The following PUDP variants were observed in gnomAD, a reference collection of about 807,000 sequenced individuals.
PUDP encodes pseudouridine 5'-phosphatase.
Under a neutral mutation model 9.4 loss-of-function variants are expected in PUDP, and 8 were observed. The observed-to-expected ratio is 0.85, with a 90% confidence interval of 0.50 to 1.53. PUDP has a LOEUF of 1.53. PUDP is among the 40% of genes most tolerant of loss of function. The probability of loss-of-function intolerance (pLI) is 0.00; values close to 1 mark genes in which losing one functional copy is unlikely to be tolerated. For synonymous variants in PUDP, 99 were observed against 80.7 expected, an observed-to-expected ratio of 1.23 and a Z score of -1.22; for missense variants, 188 against 189.7, an observed-to-expected ratio of 0.99 and a Z score of 0.05.
chrX:6,720,319 G>T (rs1924658094), intron 1 of PUDP, among the ~76,000 whole-genome samples: 1 of 87,033 alleles, frequency 1.1e-5, no homozygotes, highest in African/African-American at 4.4e-5. Context: ...AATAGTATTT[G>T]GCCATTAATC....
At chrX:7,118,537 T>C (rs1428962390) in intron 1 of PUDP, among the ~76,000 whole-genome samples, 1 of 112,094 alleles carries the variant, frequency 8.9e-6, no homozygotes, top group African/African-American at 3.2e-5. Flanking sequence ...TCACTGCTCC[T>C]TGCTGCTATA....
intron 1 of PUDP, among the ~76,000 whole-genome samples, chrX:7,039,263 T>C (rs190858840): frequency 8.9e-6 from 1 of 111,830 alleles, no homozygotes; most frequent in Non-Finnish European, 1.9e-5. Context: ...TCACAACAGA[T>C]ATTTTTAAAA....
chrX:6,752,749 T>A (rs749453914), intron 3 of PUDP, among the ~76,000 whole-genome samples: 1 of 110,652 alleles, frequency 9.0e-6, no homozygotes, highest in Non-Finnish European at 1.9e-5. Context: ...TTTACTGAGA[T>A]AAGAAACTGA....
chrX:6,873,036 A>G (rs1927199355), intron 3 of PUDP, among the ~76,000 whole-genome samples: 1 of 106,913 alleles, frequency 9.4e-6, no homozygotes, highest in Non-Finnish European at 1.9e-5. Context: ...CTAAGTTCAT[A>G]AGAAACAGAA....
chrX:7,004,630 C>T (rs942402619), intron 1 of PUDP, among the ~76,000 whole-genome samples: 1 of 111,895 alleles, frequency 8.9e-6, no homozygotes, highest in South Asian at 3.7e-4. Flanking sequence ...GTACTGACAG[C>T]GATAATTCTC....
intron 3 of PUDP, among the ~76,000 whole-genome samples, chrX:6,800,868 G>A (rs1925921429): frequency 1.8e-5 from 2 of 111,699 alleles, no homozygotes; most frequent in Admixed American, 1.9e-4. Context: ...TGCCCGCTGA[G>A]TCCACCAGCT....
At chrX:6,750,091 G>C (rs1249786766) in intron 3 of PUDP, among the ~76,000 whole-genome samples, 1 of 112,174 alleles carries the variant, frequency 8.9e-6, no homozygotes, top group Non-Finnish European at 1.9e-5. Flanking sequence ...TTGCTGTGCA[G>C]CTTCTTGCAT....
intron 3 of PUDP, among the ~76,000 whole-genome samples, chrX:7,074,587 G>T (rs923581599): frequency 8.9e-6 from 1 of 112,190 alleles, no homozygotes; most frequent in East Asian, 2.8e-4. Context: ...TACTCTGATC[G>T]CTTCTGGGAC....
At chrX:6,975,473 G>T (rs185108177) in intron 3 of PUDP, among the ~76,000 whole-genome samples, 1 of 111,013 alleles carries the variant, frequency 9.0e-6, no homozygotes. Flanking sequence ...AGGCCCCTCT[G>T]CTGCAGGTCT....
At chrX:6,871,566 C>A (rs1466647009) in intron 3 of PUDP, among the ~76,000 whole-genome samples, 1 of 111,618 alleles carries the variant, frequency 9.0e-6, no homozygotes, top group Non-Finnish European at 1.9e-5. Context: ...TCCTGTTGAC[C>A]TGTTGTTCTT....
At chrX:7,109,397 A>C (rs1410612809) in intron 1 of PUDP, among the ~76,000 whole-genome samples, 1 of 112,235 alleles carries the variant, frequency 8.9e-6, no homozygotes, top group African/African-American at 3.2e-5. Flanking sequence ...GAGTGAAGGA[A>C]CAGAACAGAG....
intron 3 of PUDP, among the ~76,000 whole-genome samples, chrX:6,913,736 A>G (rs746878924): frequency 4.7e-4 from 53 of 111,870 alleles, no homozygotes; most frequent in Non-Finnish European, 8.6e-4. Flanking sequence ...CTAACTTCAA[A>G]GAAAAAATAC....
chrX:7,081,822 A>G (rs1931099879), intron 2 of PUDP, among the ~76,000 whole-genome samples: 1 of 113,145 alleles, frequency 8.8e-6, no homozygotes, highest in Non-Finnish European at 1.9e-5. Flanking sequence ...CTGGAAAATG[A>G]CATGGGTGAG....
chrX:6,824,166 G>A (rs1412643538), intron 3 of PUDP, among the ~76,000 whole-genome samples: 1 of 111,741 alleles, frequency 8.9e-6, no homozygotes, highest in Non-Finnish European at 1.9e-5. Flanking sequence ...CTGTTCTTGT[G>A]ATAGTGAGTG....
At chrX:7,100,829 C>T (rs1363795067) in intron 2 of PUDP, among the ~76,000 whole-genome samples, 2 of 112,177 alleles carry the variant, frequency 1.8e-5, no homozygotes, top group African/African-American at 6.5e-5. Context: ...AGGAAGAACA[C>T]ATTTCTGGAT....
chrX:7,147,893 G>A (rs1195516008), intron 1 of PUDP, 160 bp downstream of exon 1: 23 of 293,545 alleles, frequency 7.8e-5, no homozygotes, highest in Admixed American at 4.2e-4. Context: ...GCCGCCGCCC[G>A]ACTTCGGGGC....
chrX:6,740,537 T>C (rs1203265945), intron 3 of PUDP, among the ~76,000 whole-genome samples: 1 of 111,877 alleles, frequency 8.9e-6, no homozygotes, highest in Admixed American at 9.5e-5. Flanking sequence ...AAGAGTAAGG[T>C]TTTTGCAAAT....
At chrX:7,057,749 G>A in intron 3 of PUDP, 1 of 1,154,620 alleles carries the variant, frequency 8.7e-7, no homozygotes, top group Non-Finnish European at 1.1e-6. Flanking sequence ...TACACAGAAG[G>A]AGGAGCGCTG....
At chrX:7,116,677 G>C (rs758485279) in intron 1 of PUDP, among the ~76,000 whole-genome samples, 22 of 112,136 alleles carry the variant, frequency 2.0e-4, no homozygotes, top group Non-Finnish European at 3.9e-4. Context: ...CCCTGCATCA[G>C]GTCAGTGTTT....
Sources: allele counts gnomAD v4.1 joint callset (sites outside exome capture counted in the v4.1 genomes callset), GRCh38; gene constraint gnomAD v4.1.1; transcripts MANE v1.5; gene names NCBI Gene and HGNC (gene_info 2026-07-23, HGNC 2026-07-21).